Variants in MEIS1 observed in about 807,000 individuals in gnomAD.
MEIS1 encodes Meis homeobox 1, also known as homeobox protein Meis1.
MEIS1 carries 5 observed loss-of-function variants against 50.8 expected under a neutral mutation model. That is an observed-to-expected ratio of 0.10 (90% CI 0.05 to 0.21). The LOEUF (loss-of-function observed/expected upper bound fraction) is 0.21, where lower values mean the gene tolerates loss of function less well. MEIS1 is among the 10% of genes least tolerant of loss of function. The pLI is 1.00. For missense variants in MEIS1, 318 were observed against 517.3 expected (o/e 0.61, Z 3.74); for synonymous variants, 176 against 179.3 (o/e 0.98, Z 0.15).
At chr2:66,513,810 T>A (rs536766111) in intron 8 of MEIS1, among the ~76,000 whole-genome samples, 1 of 152,172 alleles carries the variant, frequency 6.6e-6, no homozygotes, top group Non-Finnish European at 1.5e-5. Context: ...ACCTGTTGCA[T>A]GTGTGTAGAT....
chr2:66,525,965 A>G (rs1322311592), intron 8 of MEIS1, among the ~76,000 whole-genome samples: 2 of 152,172 alleles, frequency 1.3e-5, no homozygotes, highest in Non-Finnish European at 1.5e-5. Context: ...GAAACAACAC[A>G]TATGTTTGAG....
At chr2:66,439,518 G>C in intron 2 of MEIS1, 3 of 1,482,010 alleles carry the variant, frequency 2.0e-6, no homozygotes, top group Non-Finnish European at 2.7e-6. Context: ...GGGCTTGTCG[G>C]GTGGGAAACT....
At position 66,440,304 on chromosome 2, in the gene MEIS1, C is replaced by A. The variant is rs899332422; in HGVS notation, c.382-258C>A. ...ACGGTTGTAGCTGCTGTGGACTCGGCGGTCTGAGCAGCCTCCCCGAGAGCC... is the reference window on the plus strand; with the variant it reads ...ACGGTTGTAGCTGCTGTGGACTCGGAGGTCTGAGCAGCCTCCCCGAGAGCC... On this transcript the variant is annotated intron_variant, in intron 3 of 12. Coordinates refer to ENST00000272369, the MANE Select transcript of MEIS1 (RefSeq NM_002398.3). 1.5e-5 allele frequency: 9 copies of A among 590,736 alleles called. No homozygotes were observed. The East Asian group carries it at 2.6e-4, about 17-fold the overall frequency. The allele number at this position is 590,736 out of a possible 1,614,324, so 36.6% of individuals were successfully genotyped here.
intron 7 of MEIS1, among the ~76,000 whole-genome samples, chr2:66,501,290 T>A (rs908929207): frequency 6.6e-6 from 1 of 152,192 alleles, no homozygotes; most frequent in Non-Finnish European, 1.5e-5. Flanking sequence ...AAATACTCTT[T>A]ATTTCCTGAG....
At chr2:66,542,370 C>G (rs1674677100) in intron 8 of MEIS1, among the ~76,000 whole-genome samples, 1 of 151,858 alleles carries the variant, frequency 6.6e-6, no homozygotes, top group Admixed American at 6.6e-5. Flanking sequence ...TTAAACTTAG[C>G]TGTGGAGGAG....
In MEIS1 at chr2:66,563,858, A is replaced by G. The variant is rs192733648; in HGVS notation, c.966-3595A>G. Among the ~76,000 whole-genome samples, 477 of 152,336 alleles carry G rather than the reference A, an allele frequency of 3.1e-3. 5 individuals carry two copies. Among genetic ancestry groups the G allele is most frequent in the African/African-American group, 9.6e-3 (398 of 41,572 alleles). ...ATAATTCCAAAGAGAGAGGATGTAT[A>G]AAATAGTCTGGGATAATGATAAAAT... On this transcript the variant is annotated intron_variant, in intron 9 of 12. Coordinates refer to ENST00000272369, the MANE Select transcript of MEIS1 (RefSeq NM_002398.3).
rs149534896 is a variant in MEIS1 at position 66,551,540 on chromosome 2, T to C, written c.965+3521T>C. 4.1e-3 allele frequency among the ~76,000 whole-genome samples: 627 copies of C among 152,264 alleles called. 3 individuals are homozygous for C. Among genetic ancestry groups the C allele is most frequent in the Non-Finnish European group, 6.5e-3 (441 of 68,018 alleles). On this transcript the variant is annotated intron_variant, in intron 9 of 12. Transcript: ENST00000272369. ...CCCTAGGATGGAATGTGAAATTTATTAGATGTGACATTGTGGGCCAAGTCT... is the reference window on the plus strand; with the variant it reads ...CCCTAGGATGGAATGTGAAATTTATCAGATGTGACATTGTGGGCCAAGTCT...
chr2:66,535,697 T>C (rs996521817), intron 8 of MEIS1, among the ~76,000 whole-genome samples: 2 of 152,158 alleles, frequency 1.3e-5, no homozygotes, highest in East Asian at 1.9e-4. Context: ...CATCAATAAA[T>C]GCTTTCGGGA....
At chr2:66,546,096 C>T (rs1461409643) in intron 8 of MEIS1, among the ~76,000 whole-genome samples, 4 of 151,982 alleles carry the variant, frequency 2.6e-5, no homozygotes, top group African/African-American at 7.2e-5. Context: ...AAAGACACAC[C>T]AACAAGGAAA....
At chr2:66,558,279 CAAAAAAA>C (rs59017279) in intron 9 of MEIS1, among the ~76,000 whole-genome samples, 3,975 of 57,540 alleles carry the variant, frequency 0.069, 58 homozygotes, top group East Asian at 0.22. Flanking sequence ...AACTCCATCT[CAAAAAAA>C]AAAAAAAAAA....
intron 2 of MEIS1, chr2:66,439,393 G>A (rs545483496): frequency 8.0e-7 from 1 of 1,254,128 alleles, no homozygotes; most frequent in African/African-American, 1.5e-5. Context: ...GAGATCCCCC[G>A]AGCCTGGGCT....
At chr2:66,518,652 A>C (rs1055030695) in intron 8 of MEIS1, among the ~76,000 whole-genome samples, 1 of 152,202 alleles carries the variant, frequency 6.6e-6, no homozygotes, top group Non-Finnish European at 1.5e-5. Flanking sequence ...TTGGTCACTG[A>C]GCATGCACCT....
intron 10 of MEIS1, chr2:66,568,428 C>T: frequency 2.5e-6 from 1 of 402,932 alleles, no homozygotes; most frequent in Non-Finnish European, 4.6e-6. Context: ...CAGACAAAAC[C>T]CAAGCAGAAA....
intron 7 of MEIS1, among the ~76,000 whole-genome samples, chr2:66,502,519 C>A (rs1196087701): frequency 1.3e-5 from 2 of 152,188 alleles, no homozygotes; most frequent in African/African-American, 4.8e-5. Flanking sequence ...AGTCATTTCA[C>A]CCCCATCCAA....
Position 66,571,539 on chromosome 2 carries a change from A to G in MEIS1, c.*331A>G. On this transcript the variant is annotated 3_prime_UTR_variant, in exon 13 of 13. Coordinates refer to ENST00000272369, the MANE Select transcript of MEIS1 (RefSeq NM_002398.3). ...CATTCATGCTCAGTAGCTTAAGGGA[A>G]TATGCATTGTCTGCAATGGTGACTG... The G allele has an allele frequency of 6.4e-7, 1 of 1,556,582 alleles. No homozygotes were observed. Among genetic ancestry groups the G allele is most frequent in the Non-Finnish European group, 8.7e-7 (1 of 1,150,690 alleles).
chr2:66,463,024 C>T (rs1200883489), intron 6 of MEIS1, among the ~76,000 whole-genome samples: 1 of 151,868 alleles, frequency 6.6e-6, no homozygotes, highest in African/African-American at 2.4e-5. Context: ...ACATTTTGAT[C>T]TCCTCAGCCC....
chr2:66,521,740 G>A (rs890520083), intron 8 of MEIS1, among the ~76,000 whole-genome samples: 1 of 152,208 alleles, frequency 6.6e-6, no homozygotes, highest in Non-Finnish European at 1.5e-5. Context: ...AATTTTCAGT[G>A]TAAAAGCAGA....
chr2:66,560,751 A>C (rs564954471), intron 9 of MEIS1, among the ~76,000 whole-genome samples: 1 of 152,194 alleles, frequency 6.6e-6, no homozygotes, highest in South Asian at 2.1e-4. Context: ...TTATGATTTG[A>C]CCAAATTTCA....
chr2:66,511,269 A>G (rs1188870168), intron 7 of MEIS1, among the ~76,000 whole-genome samples: 1 of 152,184 alleles, frequency 6.6e-6, no homozygotes, highest in Non-Finnish European at 1.5e-5. Context: ...TGGCATTTTA[A>G]AAAAGAAATA....
Sources: gnomAD v4.1 joint callset for allele counts (sites outside exome capture counted in the v4.1 genomes callset) on GRCh38, gnomAD v4.1.1 for gene constraint, MANE v1.5 for transcripts, NCBI Gene and HGNC (gene_info 2026-07-23, HGNC 2026-07-21) for gene names.